Variants in ZCWPW2 observed in about 807,000 individuals in gnomAD.
ZCWPW2 encodes the protein zinc finger CW-type PWWP domain protein 2.
ZCWPW2 carries 45 observed loss-of-function variants against 46.6 expected under a neutral mutation model. That is an observed-to-expected ratio of 0.96 (90% CI 0.76 to 1.24). The LOEUF is 1.24. Among genes scored for constraint, ZCWPW2 ranks in the 50% most tolerant of loss-of-function variants. The probability of loss-of-function intolerance (pLI) is 0.00; values close to 1 mark genes in which losing one functional copy is unlikely to be tolerated. For synonymous variants in ZCWPW2, 152 were observed against 137.1 expected (o/e 1.11, Z -0.76); for missense variants, 429 against 403.9 (o/e 1.06, Z -0.53).
chr3:28,465,607 C>T (rs1290923654), intron 4 of ZCWPW2, among the ~76,000 whole-genome samples: 1 of 152,016 alleles, frequency 6.6e-6, no homozygotes, highest in African/African-American at 2.4e-5. Flanking sequence ...GGTAGGATTG[C>T]TACTATTATG....
At chr3:28,389,768 G>A (rs1199691290) in intron 1 of ZCWPW2, among the ~76,000 whole-genome samples, 1 of 152,194 alleles carries the variant, frequency 6.6e-6, no homozygotes, top group East Asian at 1.9e-4. Flanking sequence ...TACTTGGCAA[G>A]TCCAGTTTCT....
At position 28,453,360 on chromosome 3, in the gene ZCWPW2, G is replaced by A. The variant is rs144708765; in HGVS notation, c.492+18091G>A. On this transcript the variant is annotated intron_variant, in intron 4 of 9. Coordinates refer to ENST00000383768, the MANE Select transcript of ZCWPW2 (RefSeq NM_001040432.4). ...TAGATAGCTGTGAACTTGTACTGAAGTTAAAAGTCCAAACTAAATAATATG... is the reference window on the plus strand; with the variant it reads ...TAGATAGCTGTGAACTTGTACTGAAATTAAAAGTCCAAACTAAATAATATG... Among the ~76,000 whole-genome samples the A allele has an allele frequency of 2.5e-3, 373 of 152,222 alleles. 1 individual carries two copies. Among genetic ancestry groups the A allele is most frequent in the African/African-American group, 8.2e-3 (340 of 41,526 alleles).
chr3:28,366,734 G>A (rs976727784), intron 1 of ZCWPW2, among the ~76,000 whole-genome samples: 1 of 152,152 alleles, frequency 6.6e-6, no homozygotes, highest in Non-Finnish European at 1.5e-5. Context: ...GCTCCTCCTT[G>A]TACCTCTGGT....
chr3:28,390,740 C>A, intron 2 of ZCWPW2, 123 bp downstream of exon 2: 2 of 723,766 alleles, frequency 2.8e-6, no homozygotes, highest in Non-Finnish European at 3.4e-6. Context: ...TATAACTTCT[C>A]TATGAAATAA....
At position 28,491,250 on chromosome 3, in the gene ZCWPW2, A is replaced by G. The variant is rs146389568; in HGVS notation, c.611-877A>G. Among the ~76,000 whole-genome samples the G allele has an allele frequency of 5.9e-5, 9 of 152,244 alleles. No homozygotes were observed. The East Asian group carries it at 1.5e-3, about 26-fold the overall frequency. On this transcript the variant is annotated intron_variant, in intron 5 of 9. Coordinates refer to ENST00000383768, the MANE Select transcript of ZCWPW2 (RefSeq NM_001040432.4). ...CTTAAATATACAGCTGGATATAGGA[A>G]AGAGGATAGTTTACATGTAACCACC... is the stretch of plus-strand genomic sequence containing the variant.
chr3:28,401,323 G>T (rs1695923721), intron 2 of ZCWPW2, among the ~76,000 whole-genome samples: 1 of 152,144 alleles, frequency 6.6e-6, no homozygotes, highest in Non-Finnish European at 1.5e-5. Flanking sequence ...AAGAGATAAA[G>T]AATTGCAGAA....
chr3:28,521,495 G>A (rs540440366), intron 9 of ZCWPW2, among the ~76,000 whole-genome samples: 7 of 152,282 alleles, frequency 4.6e-5, no homozygotes, highest in South Asian at 2.1e-4. Flanking sequence ...AATCTGCCCC[G>A]TCTGGATTAT....
intron 4 of ZCWPW2, among the ~76,000 whole-genome samples, chr3:28,475,689 T>C (rs547175245): frequency 6.6e-6 from 1 of 152,158 alleles, no homozygotes. Context: ...TTCTTTAATA[T>C]ACATGTACTC....
At chr3:28,482,120 C>T (rs1699447330) in intron 5 of ZCWPW2, among the ~76,000 whole-genome samples, 1 of 152,148 alleles carries the variant, frequency 6.6e-6, no homozygotes, top group Non-Finnish European at 1.5e-5. Context: ...AGTTTCACTG[C>T]TCTAAAAATC....
At chr3:28,437,501 C>T (rs1697548861) in intron 4 of ZCWPW2, among the ~76,000 whole-genome samples, 1 of 151,898 alleles carries the variant, frequency 6.6e-6, no homozygotes, top group South Asian at 2.1e-4. Flanking sequence ...TTTATTTTGG[C>T]TCAATCATGT....
chr3:28,480,169 A>T lies in ZCWPW2; in HGVS notation c.610+1238A>T, dbSNP rs150500327. Among the ~76,000 whole-genome samples, 568 of 152,228 alleles carry T rather than the reference A, an allele frequency of 3.7e-3. 3 individuals carry two copies. The highest frequency in any genetic ancestry group is 0.013 in the African/African-American group (524 of 41,534). ...CACTGTCTTACACAATGGTTGAACTAATTTACACTCCTACCAACAGTGTAT... is the reference window on the plus strand; with the variant it reads ...CACTGTCTTACACAATGGTTGAACTTATTTACACTCCTACCAACAGTGTAT... On this transcript the variant is annotated intron_variant, in intron 5 of 9. Coordinates refer to ENST00000383768, the MANE Select transcript of ZCWPW2 (RefSeq NM_001040432.4).
At chr3:28,368,296 C>G (rs1705196375) in intron 1 of ZCWPW2, among the ~76,000 whole-genome samples, 1 of 152,094 alleles carries the variant, frequency 6.6e-6, no homozygotes, top group East Asian at 1.9e-4. Flanking sequence ...ATTGTTCCTT[C>G]CCATGTTTAG....
intron 1 of ZCWPW2, among the ~76,000 whole-genome samples, chr3:28,363,243 A>G (rs1047747453): frequency 6.6e-6 from 1 of 152,134 alleles, no homozygotes; most frequent in Non-Finnish European, 1.5e-5. Flanking sequence ...GAATAACAAA[A>G]TAACTGATAT....
intron 4 of ZCWPW2, among the ~76,000 whole-genome samples, chr3:28,438,452 A>C (rs1461930315): frequency 6.6e-6 from 1 of 152,204 alleles, no homozygotes; most frequent in Non-Finnish European, 1.5e-5. Flanking sequence ...TTCAGAAAAG[A>C]CCTGAGTGGA....
intron 6 of ZCWPW2, among the ~76,000 whole-genome samples, chr3:28,496,761 G>A (rs867670397): frequency 6.6e-6 from 1 of 151,834 alleles, no homozygotes. Flanking sequence ...CTAAGTGCCA[G>A]GCACTACATA....
chr3:28,366,071 C>T (rs1041049666), intron 1 of ZCWPW2, among the ~76,000 whole-genome samples: 2 of 151,876 alleles, frequency 1.3e-5, no homozygotes, highest in African/African-American at 4.8e-5. Flanking sequence ...TCTAGATATA[C>T]AATCATGTCA....
intron 4 of ZCWPW2, among the ~76,000 whole-genome samples, chr3:28,467,548 C>T (rs776301512): frequency 3.3e-5 from 5 of 152,202 alleles, no homozygotes; most frequent in Admixed American, 6.5e-5. Context: ...AGACCCAGTA[C>T]TGTGCTGGCT....
rs138749445 is a variant in ZCWPW2, at chr3:28,437,121, C to A, written c.492+1852C>A. ...TCAGAAAAAAGGACAAAACCACTTA[C>A]ACAAAAAATACTGTATATTTAGACA... On this transcript the variant is annotated intron_variant, in intron 4 of 9. Transcript: ENST00000383768. Among the ~76,000 whole-genome samples, 373 of 152,270 alleles carry A rather than the reference C, an allele frequency of 2.4e-3. 1 individual carries two copies. Among genetic ancestry groups the A allele is most frequent in the African/African-American group, 8.2e-3 (340 of 41,560 alleles).
chr3:28,354,818 ACT>A (rs1391804144), intron 1 of ZCWPW2, among the ~76,000 whole-genome samples: 1 of 87,110 alleles, frequency 1.1e-5, no homozygotes, highest in African/African-American at 4.4e-5. Flanking sequence ...CATGCTAAAA[ACT>A]CTCAATAAAT....
Sources: allele counts gnomAD v4.1 joint callset (sites outside exome capture counted in the v4.1 genomes callset), GRCh38; gene constraint gnomAD v4.1.1; transcripts MANE v1.5; gene names NCBI Gene and HGNC (gene_info 2026-07-23, HGNC 2026-07-21).